Variants in PCCB observed in about 807,000 individuals in gnomAD.
The protein encoded by PCCB is propionyl-CoA carboxylase beta chain, mitochondrial.
A neutral mutation model predicts 60.7 loss-of-function variants in PCCB; 43 were observed. The observed-to-expected ratio is 0.71, with a 90% confidence interval of 0.55 to 0.91. The LOEUF (loss-of-function observed/expected upper bound fraction) is 0.91, where lower values mean the gene tolerates loss of function less well. PCCB is among the 40% of genes least tolerant of loss of function. The pLI is 0.00. For missense variants in PCCB, 766 were observed against 702.8 expected (o/e 1.09, Z -1.02); for synonymous variants, 276 against 255.9 (o/e 1.08, Z -0.75).
chr3:136,304,706 T>A (rs1934399988), intron 9 of PCCB, among the ~76,000 whole-genome samples: 1 of 116,720 alleles, frequency 8.6e-6, no homozygotes. Flanking sequence ...TCTTTTCTTT[T>A]TTTTGAGATG....
intron 1 of PCCB, chr3:136,251,382 G>A (rs898221177): frequency 2.7e-5 from 12 of 451,924 alleles, no homozygotes; most frequent in Non-Finnish European, 5.4e-5. Flanking sequence ...TAACCAACGG[G>A]AAGGTGCAGA....
intron 2 of PCCB, 88 bp from the exon 3 acceptor site, chr3:136,256,466 GT>G (rs2108138067): frequency 1.1e-6 from 1 of 948,094 alleles, no homozygotes; most frequent in Non-Finnish European, 1.7e-6. Context: ...TTTGGGTTTT[GT>G]TTTTGTCTTT....
chr3:136,259,786 T>C (rs1941771502), intron 3 of PCCB, among the ~76,000 whole-genome samples: 1 of 152,220 alleles, frequency 6.6e-6, no homozygotes, highest in Admixed American at 6.5e-5. Flanking sequence ...AGAGTCTCGC[T>C]CTGTCGCCCA....
intron 9 of PCCB, among the ~76,000 whole-genome samples, chr3:136,307,691 A>G: frequency 6.6e-6 from 1 of 152,156 alleles, no homozygotes; most frequent in East Asian, 1.9e-4. Flanking sequence ...AAATAATATG[A>G]CAGGCCAGGC....
At chr3:136,317,150 G>C in intron 10 of PCCB, 86 bp downstream of exon 10, 1 of 1,313,012 alleles carries the variant, frequency 7.6e-7, no homozygotes, top group African/African-American at 1.5e-5. Context: ...TCTTTTGCCT[G>C]TTCTTCAGAC....
chr3:136,268,080 G>A (rs1247131724), intron 5 of PCCB, among the ~76,000 whole-genome samples: 1 of 101,654 alleles, frequency 9.8e-6, no homozygotes, highest in Non-Finnish European at 2.0e-5. Context: ...GTGTGTGTGT[G>A]TGTGTAGATA....
At chr3:136,266,060 C>T (rs749324082) in intron 5 of PCCB, among the ~76,000 whole-genome samples, 5 of 151,558 alleles carry the variant, frequency 3.3e-5, no homozygotes, top group East Asian at 1.9e-4. Flanking sequence ...CTCCTGACCT[C>T]GTGATCTGCC....
intron 14 of PCCB, 45 bp from the exon 15 acceptor site, chr3:136,329,860 A>C: frequency 6.2e-7 from 1 of 1,611,974 alleles, no homozygotes; most frequent in African/African-American, 1.3e-5. Context: ...GGGTGGCATC[A>C]TCTCGGGATG....
In PCCB at chr3:136,256,573, G is replaced by A; in HGVS notation, c.322G>A (p.Val108Ile). ...CTGGTAGTTTCCTGGAGACAGCGTG[G>A]TCACTGGACGAGGCCGAATCAATGG... Reference protein sequence around the residue: ...DKNKFPGDSVVTGRGRINGRL... With the variant: ...DKNKFPGDSVITGRGRINGRL... The change falls in exon 3 of 15, where the codon GTC becomes ATC. Residue 108 changes from valine to isoleucine, a missense_variant. Physicochemically the swap from Val to Ile is conservative, Grantham distance 29. Coordinates refer to ENST00000251654, the MANE Select transcript of PCCB (RefSeq NM_000532.5). 1 of 1,613,008 alleles carries A rather than the reference G, an allele frequency of 6.2e-7. No homozygotes were observed. The highest frequency in any genetic ancestry group is 8.5e-7 in the Non-Finnish European group (1 of 1,178,988).
chr3:136,298,087 G>A lies in PCCB; in HGVS notation c.884+15G>A, dbSNP rs374909979. The A allele has an allele frequency of 2.4e-5, 38 of 1,613,844 alleles. No homozygotes were observed. Among genetic ancestry groups the A allele is most frequent in the Non-Finnish European group, 2.8e-5 (33 of 1,179,938 alleles). On this transcript the variant is annotated intron_variant, in intron 8 of 14. Coordinates refer to ENST00000251654, the MANE Select transcript of PCCB (RefSeq NM_000532.5). ...CACGATCCCAGGTGGGTTGTAGGCCGGTGCACCTTCTCTCATTTTGCAGTG... is the reference window on the plus strand; with the variant it reads ...CACGATCCCAGGTGGGTTGTAGGCCAGTGCACCTTCTCTCATTTTGCAGTG...
intron 5 of PCCB, among the ~76,000 whole-genome samples, chr3:136,268,102 A>ATATATATG (rs1942075826): frequency 8.5e-6 from 1 of 117,606 alleles, no homozygotes; most frequent in Non-Finnish European, 1.7e-5. Flanking sequence ...ATATATATAT[A>ATATATATG]TATATATATA....
chr3:136,327,565 C>G (rs866884406), intron 12 of PCCB, 69 bp from the exon 13 acceptor site: 4 of 1,212,676 alleles, frequency 3.3e-6, no homozygotes, highest in Non-Finnish European at 4.9e-6. Flanking sequence ...TACCTGGTTT[C>G]CTGGGGTCTT....
At chr3:136,314,682 AC>A (rs1934811130) in intron 9 of PCCB, among the ~76,000 whole-genome samples, 1 of 150,878 alleles carries the variant, frequency 6.6e-6, no homozygotes, top group Non-Finnish European at 1.5e-5. Flanking sequence ...AAACAAAAAA[AC>A]AAAACAAAAA....
intron 3 of PCCB, among the ~76,000 whole-genome samples, chr3:136,257,194 G>A (rs1364249325): frequency 3.3e-5 from 5 of 152,160 alleles, no homozygotes; most frequent in Non-Finnish European, 5.9e-5. Context: ...TTATCCAGGT[G>A]GGCCCAATAT....
At chr3:136,326,428 C>T in intron 10 of PCCB, 1 of 702,232 alleles carries the variant, frequency 1.4e-6, no homozygotes, top group Non-Finnish European at 2.6e-6. Flanking sequence ...TTCTCAAGGG[C>T]ACGTTGCCAT....
At chr3:136,256,046 T>A in intron 2 of PCCB, 71 bp downstream of exon 2, 2 of 1,608,506 alleles carry the variant, frequency 1.2e-6, no homozygotes, top group South Asian at 2.2e-5. Flanking sequence ...AGAATAATAA[T>A]AAATCTATAA....
intron 3 of PCCB, chr3:136,259,127 A>G: frequency 6.9e-7 from 1 of 1,441,492 alleles, no homozygotes; most frequent in Non-Finnish European, 9.1e-7. Flanking sequence ...AAGCAGAAGA[A>G]GCAGTGAGAG....
At chr3:136,272,683 T>C (rs1055397764) in intron 5 of PCCB, among the ~76,000 whole-genome samples, 5 of 152,206 alleles carry the variant, frequency 3.3e-5, no homozygotes, top group African/African-American at 1.2e-4. Flanking sequence ...TTCTATGATA[T>C]TGGTTATAAT....
At chr3:136,265,249 T>A (rs1209152145) in intron 5 of PCCB, among the ~76,000 whole-genome samples, 1 of 152,142 alleles carries the variant, frequency 6.6e-6, no homozygotes, top group Non-Finnish European at 1.5e-5. Flanking sequence ...ATCCACCCAT[T>A]GTGAAAATAT....
Sources: allele counts gnomAD v4.1 joint callset (sites outside exome capture counted in the v4.1 genomes callset), GRCh38; gene constraint gnomAD v4.1.1; transcripts MANE v1.5; gene names NCBI Gene and HGNC (gene_info 2026-07-23, HGNC 2026-07-21).